The following ARMC9 variants were observed in gnomAD, a reference collection of about 807,000 sequenced individuals.
The protein encoded by ARMC9 is armadillo repeat containing 9.
ARMC9 carries 94 observed loss-of-function variants against 107.0 expected under a neutral mutation model. The ratio of observed to expected loss-of-function variants is 0.88; its 90% CI spans 0.74 to 1.04. The LOEUF is 1.04. Among genes scored for constraint, ARMC9 ranks in the 50% least tolerant of loss-of-function variants. The pLI is 0.00. For synonymous variants in ARMC9, 380 were observed against 396.9 expected, an observed-to-expected ratio of 0.96 and a Z score of 0.51; for missense variants, 942 against 1,030.1, an observed-to-expected ratio of 0.91 and a Z score of 1.17.
rs2046031284 is a variant in ARMC9 at position 231,371,839 on chromosome 2, G to A, written c.*304G>A. 3.1e-6 allele frequency: 1 copy of A among 323,824 alleles called. No individual in the cohort carries two copies. Among genetic ancestry groups the A allele is most frequent in the South Asian group, 1.6e-4 (1 of 6,328 alleles). 20.1% of individuals were successfully genotyped at this position (323,824 alleles called of 1,614,324 possible). On this transcript the variant is annotated 3_prime_UTR_variant, in exon 25 of 25. Coordinates refer to ENST00000611582, the MANE Select transcript of ARMC9 (RefSeq NM_001352754.2). ...GGAGAGGGGTGGCTTTTGCCCGCAG[G>A]AGATCTTCTGGCCCCAGAAACAGCA...
Position 231,249,213 on chromosome 2 carries a change from C to T in ARMC9, c.880-7373C>T, listed in dbSNP as rs968086355. On this transcript the variant is annotated intron_variant, in intron 9 of 24. Transcript: ENST00000611582. The stretch of plus-strand genomic sequence containing the variant: ...AGCAGCGTTTTCCAAAGCCTGTGCC[C>T]GCAAATGCCCATCCCGCAGGATTTC... Among the ~76,000 whole-genome samples, 3 of 152,254 alleles carry T rather than the reference C, an allele frequency of 2.0e-5. No individual in the cohort carries two copies. In the East Asian group the frequency reaches 5.8e-4, roughly 29 times the overall value.
chr2:231,315,684 G>A (rs1045402545), intron 19 of ARMC9, among the ~76,000 whole-genome samples: 4 of 152,046 alleles, frequency 2.6e-5, no homozygotes, highest in African/African-American at 9.7e-5. Flanking sequence ...TTCAAAACAC[G>A]AGTTCTTCAA....
At chr2:231,262,096 A>G (rs956982999) in intron 11 of ARMC9, among the ~76,000 whole-genome samples, 3 of 152,132 alleles carry the variant, frequency 2.0e-5, no homozygotes, top group Non-Finnish European at 2.9e-5. Flanking sequence ...TGCTGGGATT[A>G]CAGGTGTGAG....
At chr2:231,248,921 T>C (rs1167110330) in intron 9 of ARMC9, among the ~76,000 whole-genome samples, 2 of 152,048 alleles carry the variant, frequency 1.3e-5, no homozygotes, top group Admixed American at 6.6e-5. Context: ...GGCTGAGATA[T>C]TGCCTCAAGG....
At chr2:231,227,450 A>G (rs975306691) in intron 7 of ARMC9, among the ~76,000 whole-genome samples, 1 of 152,202 alleles carries the variant, frequency 6.6e-6, no homozygotes, top group African/African-American at 2.4e-5. Context: ...CCTGTGATGC[A>G]TGTCATCCCT....
chr2:231,335,824 T>C (rs76754996), intron 20 of ARMC9, among the ~76,000 whole-genome samples: 6,393 of 152,226 alleles, frequency 0.042, 174 homozygotes, highest in African/African-American at 0.064. Context: ...CGCGTGTGAT[T>C]CCAAGACTTT....
chr2:231,272,749 C>A (rs2039448621), intron 13 of ARMC9, among the ~76,000 whole-genome samples: 2 of 152,120 alleles, frequency 1.3e-5, no homozygotes, highest in South Asian at 4.1e-4. Flanking sequence ...CTCCTGGCCT[C>A]AGGTGATCTG....
chr2:231,203,564 G>A (rs143553832), intron 1 of ARMC9, among the ~76,000 whole-genome samples: 58 of 152,316 alleles, frequency 3.8e-4, no homozygotes, highest in Admixed American at 6.5e-4. Flanking sequence ...GCAGCCGGGC[G>A]TGGTGGCTCA....
chr2:231,359,082 G>GTT (rs555726953), intron 22 of ARMC9, among the ~76,000 whole-genome samples: 129 of 117,782 alleles, frequency 1.1e-3, no homozygotes, highest in Non-Finnish European at 1.5e-3. Context: ...GGGGTCTCCT[G>GTT]TTTTTTTTTT....
chr2:231,235,214 G>A lies in ARMC9; in HGVS notation c.623-10G>A. 6.2e-7 allele frequency: 1 copy of A among 1,607,778 alleles called. No homozygotes were observed. The highest frequency in any genetic ancestry group is 8.5e-7 in the Non-Finnish European group (1 of 1,177,346). On this transcript the variant is annotated splice_polypyrimidine_tract_variant and intron_variant, in intron 7 of 24. Coordinates refer to ENST00000611582, the MANE Select transcript of ARMC9 (RefSeq NM_001352754.2). ...TTTATTGATGTTGTTTGTTTTAACT[G>A]TCTTCCTAGAAATCTTGCAGCAGCT...
In ARMC9 at chr2:231,285,290, G is replaced by A. The variant is rs1574948157; in HGVS notation, c.1626+3157G>A. Among the ~76,000 whole-genome samples, 8 of 152,186 alleles carry A rather than the reference G, an allele frequency of 5.3e-5. 1 individual carries two copies. In the South Asian group the frequency reaches 1.5e-3, roughly 28 times the overall value. ...TATTTTCCTTAATGGCTTCTACATAGGTTTCTAGATAGGCTGTGAGTTTTG... is the reference window on the plus strand; with the variant it reads ...TATTTTCCTTAATGGCTTCTACATAAGTTTCTAGATAGGCTGTGAGTTTTG... On this transcript the variant is annotated intron_variant, in intron 17 of 24. Coordinates refer to ENST00000611582, the MANE Select transcript of ARMC9 (RefSeq NM_001352754.2).
At chr2:231,327,041 C>T (rs2043370975) in intron 19 of ARMC9, among the ~76,000 whole-genome samples, 1 of 152,144 alleles carries the variant, frequency 6.6e-6, no homozygotes, top group Admixed American at 6.5e-5. Flanking sequence ...CCCTCCTTCC[C>T]ATTTTTCCCT....
At chr2:231,342,895 C>T (rs1053486518) in intron 20 of ARMC9, among the ~76,000 whole-genome samples, 1 of 151,996 alleles carries the variant, frequency 6.6e-6, no homozygotes, top group African/African-American at 2.4e-5. Context: ...CATCCCTCCC[C>T]ACCTCCTAGT....
intron 6 of ARMC9, among the ~76,000 whole-genome samples, chr2:231,224,575 C>T (rs1174112409): frequency 2.0e-5 from 3 of 152,234 alleles, no homozygotes; most frequent in Admixed American, 1.3e-4. Flanking sequence ...TAACTGTTAG[C>T]TGTTGGCATT....
chr2:231,312,166 G>A (rs1027450697), intron 19 of ARMC9, among the ~76,000 whole-genome samples: 1 of 152,134 alleles, frequency 6.6e-6, no homozygotes, highest in African/African-American at 2.4e-5. Context: ...GGCTTCATTC[G>A]GCTGGATGTC....
chr2:231,253,217 G>A (rs560744666), intron 9 of ARMC9, among the ~76,000 whole-genome samples: 12 of 151,910 alleles, frequency 7.9e-5, no homozygotes, highest in Non-Finnish European at 1.6e-4. Context: ...GTGTTCAAGC[G>A]ATTCTCCTGC....
chr2:231,369,999 C>G lies in ARMC9; in HGVS notation c.2308C>G (p.Pro770Ala), dbSNP rs2125600492. Residue 770 changes from proline (P) to alanine (A), a missense_variant, in exon 24 of 25, where the codon CCA becomes GCA. By Grantham distance (27) the Pro-to-Ala change is conservative (BLOSUM62 -1). Transcript: ENST00000611582. ...CTGCAAGCCCCGGGCCCCCTGCACTCCAGAGATGCTGGACTGGAACCCACC... is the reference window on the plus strand; with the variant it reads ...CTGCAAGCCCCGGGCCCCCTGCACTGCAGAGATGCTGGACTGGAACCCACC... ...FTCKPRAPCT[P>A]EMLDWNPPKA... The G allele has an allele frequency of 1.3e-6, 2 of 1,534,710 alleles. No individual in the cohort carries two copies. The highest frequency in any genetic ancestry group is 1.7e-4 in the Middle Eastern group (1 of 5,982).
intron 17 of ARMC9, 114 bp downstream of exon 17, chr2:231,282,247 C>T (rs2040272677): frequency 1.9e-6 from 2 of 1,049,486 alleles, no homozygotes; most frequent in East Asian, 4.8e-5. Context: ...CCGTTCCAAA[C>T]TCCTTGAAAT....
rs202091151 is a variant in ARMC9, at chr2:231,345,112, C to T, written c.1994+22C>T. On this transcript the variant is annotated intron_variant, in intron 21 of 24. Transcript: ENST00000611582. ...CAGTGTAAGTCAGGGCTAAAGGAAG[C>T]GGGAATTGACTTTCTTAAGCTTTGT... is the stretch of plus-strand genomic sequence containing the variant. The T allele has an allele frequency of 4.2e-4, 679 of 1,607,860 alleles. 3 individuals are homozygous for T. Among genetic ancestry groups the T allele is most frequent in the Non-Finnish European group, 1.7e-4 (205 of 1,178,446 alleles).
Sources: allele counts gnomAD v4.1 joint callset (sites outside exome capture counted in the v4.1 genomes callset), GRCh38; gene constraint gnomAD v4.1.1; transcripts MANE v1.5; gene names NCBI Gene and HGNC (gene_info 2026-07-23, HGNC 2026-07-21).